Variants in C8B observed in about 807,000 individuals in gnomAD.
C8B encodes the protein complement component C8 beta chain.
Under a neutral mutation model 64.6 loss-of-function variants are expected in C8B, and 67 were observed. The observed-to-expected ratio is 1.04, with a 90% CI of 0.85 to 1.27. C8B has a LOEUF of 1.27. Ranked by LOEUF, C8B falls within the 50% of genes most tolerant of loss-of-function variation. The pLI is 0.00. For synonymous variants in C8B, 284 were observed against 257.7 expected, an observed-to-expected ratio of 1.10 and a Z score of -0.98; for missense variants, 790 against 725.2, an observed-to-expected ratio of 1.09 and a Z score of -1.03.
intron 10 of C8B, among the ~76,000 whole-genome samples, chr1:56,932,726 C>T (rs1644720333): frequency 6.6e-6 from 1 of 152,168 alleles, no homozygotes; most frequent in South Asian, 2.1e-4. Flanking sequence ...GAGAATACAC[C>T]TTCTTCTATA....
intron 9 of C8B, among the ~76,000 whole-genome samples, chr1:56,940,384 G>A (rs2101383207): frequency 6.6e-6 from 1 of 150,856 alleles, no homozygotes; most frequent in East Asian, 1.9e-4. Context: ...GGGCAACATA[G>A]CAAGACCCCA....
intron 1 of C8B, among the ~76,000 whole-genome samples, chr1:56,962,369 C>T (rs1396438610): frequency 6.6e-6 from 1 of 152,172 alleles, no homozygotes; most frequent in African/African-American, 2.4e-5. Flanking sequence ...AAATGCAAAT[C>T]TGAAAGAAAG....
chr1:56,943,573 A>G (rs923506827), intron 8 of C8B, 123 bp downstream of exon 8: 4 of 1,112,474 alleles, frequency 3.6e-6, no homozygotes, highest in Non-Finnish European at 5.5e-6. Context: ...AAACAGAAGG[A>G]CATAGTTGGC....
In C8B at chr1:56,933,463, G is replaced by A. The variant is rs770783602; in HGVS notation, c.1424C>T (p.Thr475Ile). 4 of 1,613,878 alleles carry A rather than the reference G, an allele frequency of 2.5e-6. No individual in the cohort carries two copies. The highest frequency in any genetic ancestry group is 3.4e-6 in the Non-Finnish European group (4 of 1,179,782). The change falls in exon 10 of 12, where the codon ACA (threonine) becomes ATA (isoleucine). Residue 475 changes from threonine to isoleucine, a missense_variant. By Grantham distance (89) the Thr-to-Ile change is moderately conservative. Coordinates refer to ENST00000371237, the MANE Select transcript of C8B (RefSeq NM_000066.4). Reference protein sequence around the residue: ...VKVEPLYELVTATDFAYSSTV... With the variant: ...VKVEPLYELVIATDFAYSSTV... ...GCTGGAATAGGCAAAATCTGTGGCT[G>A]TCACTAGTTCATACAGAGGCTCCAC...
rs531918370 is a variant in C8B at position 56,963,282 on chromosome 1, A to G, written c.92+2575T>C. 2.2e-4 allele frequency among the ~76,000 whole-genome samples: 33 copies of G among 152,332 alleles called. 1 individual carries two copies. The highest frequency in any genetic ancestry group is 7.2e-4 in the Admixed American group (11 of 15,302). ...TTGGGTCAGCAGTAAATTGCAAGCCATCAGCTTATATAGATGGGGTGCGTC... is the reference window on the plus strand; with the variant it reads ...TTGGGTCAGCAGTAAATTGCAAGCCGTCAGCTTATATAGATGGGGTGCGTC... On this transcript the variant is annotated intron_variant, in intron 1 of 11. Coordinates refer to ENST00000371237, the MANE Select transcript of C8B (RefSeq NM_000066.4).
intron 2 of C8B, among the ~76,000 whole-genome samples, chr1:56,959,358 G>A (rs1057157073): frequency 1.3e-5 from 2 of 152,204 alleles, no homozygotes; most frequent in Non-Finnish European, 2.9e-5. Context: ...TAAATGTGAG[G>A]ATACAAGGGT....
rs149900569 is a variant in C8B at position 56,929,464 on chromosome 1, A to G, written c.1716T>C (p.Pro572=). ...KTRQRQCNNP[P]PQNGGSPCSG... is the part of the protein sequence containing the mutation. ...AACAGGGGCTACCCCCATTTTGAGG[A>G]GGTGGATTGTTACACTGCCTTTGTC... Residue 572 remains proline (P), a synonymous_variant, in exon 12 of 12, where the codon CCT becomes CCC. Coordinates refer to ENST00000371237, the MANE Select transcript of C8B (RefSeq NM_000066.4). The G allele has an allele frequency of 4.3e-6, 7 of 1,613,074 alleles. No homozygotes were observed. Among genetic ancestry groups the G allele is most frequent in the Admixed American group, 1.7e-5 (1 of 59,988 alleles).
At chr1:56,957,081 G>A (rs1645115010) in intron 2 of C8B, among the ~76,000 whole-genome samples, 171 bp from the exon 3 acceptor site, 1 of 152,072 alleles carries the variant, frequency 6.6e-6, no homozygotes. Context: ...ATATACTTAA[G>A]GAGCTATGTT....
rs139558370 is a variant in C8B at position 56,964,973 on chromosome 1, T to C, written c.92+884A>G. Among the ~76,000 whole-genome samples, 513 of 152,320 alleles carry C rather than the reference T, an allele frequency of 3.4e-3. 4 individuals carry two copies. Among genetic ancestry groups the C allele is most frequent in the African/African-American group, 0.012 (493 of 41,572 alleles). On this transcript the variant is annotated intron_variant, in intron 1 of 11. Coordinates refer to ENST00000371237, the MANE Select transcript of C8B (RefSeq NM_000066.4). ...TGTTACTTATTGAGTGGCCAATAGA[T>C]AGTGAACGAATGCTCATCATCCTGT...
At chr1:56,954,605 C>A (rs1645074651) in intron 4 of C8B, 81 bp downstream of exon 4, 1 of 1,551,820 alleles carries the variant, frequency 6.4e-7, no homozygotes, top group African/African-American at 1.4e-5. Flanking sequence ...CTGTTTATAT[C>A]AGTTCTCTCA....
intron 9 of C8B, among the ~76,000 whole-genome samples, chr1:56,933,953 C>A (rs528319264): frequency 6.6e-6 from 1 of 152,150 alleles, no homozygotes; most frequent in Non-Finnish European, 1.5e-5. Flanking sequence ...GGGTACTGTC[C>A]CAACATCACT....
chr1:56,943,955 G>C, intron 7 of C8B, 131 bp from the exon 8 acceptor site: 1 of 987,368 alleles, frequency 1.0e-6, no homozygotes, highest in Non-Finnish European at 1.5e-6. Flanking sequence ...TAGGTCACCA[G>C]CCTGATAACA....
chr1:56,943,636 C>T (rs1268019060), intron 8 of C8B, 60 bp downstream of exon 8: 29 of 1,601,752 alleles, frequency 1.8e-5, no homozygotes, highest in Non-Finnish European at 2.5e-5. Context: ...GTTGTAATCA[C>T]CAGAGGCACT....
In C8B at chr1:56,956,789, C is replaced by A; in HGVS notation, c.371G>T (p.Gly124Val). The A allele has an allele frequency of 6.2e-7, 1 of 1,614,074 alleles. No homozygotes were observed. The highest frequency in any genetic ancestry group is 8.5e-7 in the Non-Finnish European group (1 of 1,179,992). Residue 124 changes from glycine to valine, a missense_variant, in exon 3 of 12, where the codon GGC becomes GTC. Gly to Val is a moderately radical substitution (Grantham distance 109). Coordinates refer to ENST00000371237, the MANE Select transcript of C8B (RefSeq NM_000066.4). ...RPCGSQVRCE[G>V]FVCAQTGRCV... Reference sequence around the variant, plus strand: ...TATACCTGTCTGTGCACACACAAAGCCTTCACATCGCACTTGACTTCCGCA... The same window carrying A: ...TATACCTGTCTGTGCACACACAAAGACTTCACATCGCACTTGACTTCCGCA...
chr1:56,945,477 C>G (rs1644927682), intron 7 of C8B, among the ~76,000 whole-genome samples: 1 of 152,138 alleles, frequency 6.6e-6, no homozygotes, highest in South Asian at 2.1e-4. Flanking sequence ...AGATTTGCTA[C>G]ACATTCACAT....
intron 9 of C8B, among the ~76,000 whole-genome samples, chr1:56,940,248 T>C (rs1237526209): frequency 6.6e-6 from 1 of 152,102 alleles, no homozygotes; most frequent in Non-Finnish European, 1.5e-5. Flanking sequence ...AAATTTTAAA[T>C]AAATTAATAT....
At chr1:56,961,116 G>C (rs1215109216) in intron 1 of C8B, among the ~76,000 whole-genome samples, 1 of 152,162 alleles carries the variant, frequency 6.6e-6, no homozygotes, top group Non-Finnish European at 1.5e-5. Context: ...GGTTATGAGT[G>C]GATGAATGAG....
chr1:56,948,980 C>T (rs1384994988), intron 6 of C8B, among the ~76,000 whole-genome samples: 1 of 150,804 alleles, frequency 6.6e-6, no homozygotes, highest in Non-Finnish European at 1.5e-5. Context: ...GTTATCTCTG[C>T]CTGGTCTCTC....
At chr1:56,956,321 G>A (rs1645103026) in intron 3 of C8B, among the ~76,000 whole-genome samples, 1 of 152,134 alleles carries the variant, frequency 6.6e-6, no homozygotes, top group Non-Finnish European at 1.5e-5. Flanking sequence ...GACCTGTAAG[G>A]TATTCACATC....
Sources: allele counts gnomAD v4.1 joint callset (sites outside exome capture counted in the v4.1 genomes callset), GRCh38; gene constraint gnomAD v4.1.1; transcripts MANE v1.5; gene names NCBI Gene and HGNC (gene_info 2026-07-23, HGNC 2026-07-21).